Variants in AUTS2 observed in about 807,000 individuals in gnomAD.
AUTS2 encodes activator of transcription and developmental regulator AUTS2, also known as autism susceptibility gene 2 protein.
In AUTS2, 17 loss-of-function variants were observed where a neutral mutation model predicts 112.4. The observed-to-expected ratio is 0.15, with a 90% CI of 0.10 to 0.23. The LOEUF is 0.23. Among genes scored for constraint, AUTS2 ranks in the 10% least tolerant of loss-of-function variants. The pLI is 1.00. For missense variants in AUTS2, 1,510 were observed against 1,701.6 expected, an observed-to-expected ratio of 0.89 and a Z score of 1.98; for synonymous variants, 751 against 702.7, an observed-to-expected ratio of 1.07 and a Z score of -1.09.
At chr7:69,667,765 C>G (rs1796134440) in intron 1 of AUTS2, among the ~76,000 whole-genome samples, 1 of 152,144 alleles carries the variant, frequency 6.6e-6, no homozygotes, top group Non-Finnish European at 1.5e-5. Context: ...CTCTGCTCCC[C>G]TGGGGCCCAT....
At chr7:69,726,734 GC>G (rs1164232900) in intron 1 of AUTS2, among the ~76,000 whole-genome samples, 5 of 152,048 alleles carry the variant, frequency 3.3e-5, no homozygotes, top group African/African-American at 9.7e-5. Context: ...TTTAATTCTA[GC>G]CATTCTAATG....
chr7:70,625,500 T>C (rs550162432), intron 5 of AUTS2, among the ~76,000 whole-genome samples: 4 of 152,218 alleles, frequency 2.6e-5, no homozygotes, highest in Non-Finnish European at 5.9e-5. Flanking sequence ...GCTACAGGCA[T>C]GTGAATATTC....
chr7:70,377,916 G>A (rs978744738), intron 4 of AUTS2, among the ~76,000 whole-genome samples: 3 of 151,210 alleles, frequency 2.0e-5, no homozygotes, highest in East Asian at 3.9e-4. Context: ...GACTACAAGC[G>A]CCCGCCACCA....
chr7:69,663,046 A>C (rs1434021775), intron 1 of AUTS2: 1 of 152,230 alleles, frequency 6.6e-6, no homozygotes, highest in Non-Finnish European at 1.5e-5. Flanking sequence ...CTTATATTAC[A>C]GTGTTTACTT....
At chr7:69,650,725 G>A (rs1356551783) in intron 1 of AUTS2, among the ~76,000 whole-genome samples, 1 of 152,200 alleles carries the variant, frequency 6.6e-6, no homozygotes, top group Non-Finnish European at 1.5e-5. Flanking sequence ...AGATGTTCTT[G>A]TTCACCATTC....
At chr7:70,679,897 T>TCCCCGG in intron 5 of AUTS2, among the ~76,000 whole-genome samples, 1 of 152,364 alleles carries the variant, frequency 6.6e-6, no homozygotes, top group East Asian at 1.9e-4. Flanking sequence ...ATGACACATT[T>TCCCCGG]ACCCTTTTGG....
At chr7:70,674,591 C>T (rs1448129990) in intron 5 of AUTS2, among the ~76,000 whole-genome samples, 2 of 152,326 alleles carry the variant, frequency 1.3e-5, no homozygotes, top group Non-Finnish European at 1.5e-5. Flanking sequence ...ACCTGGTAGC[C>T]ACTGATAATG....
chr7:69,995,954 G>A (rs1326696097), intron 2 of AUTS2, among the ~76,000 whole-genome samples: 16 of 152,270 alleles, frequency 1.1e-4, no homozygotes, highest in Non-Finnish European at 1.9e-4. Flanking sequence ...CCAGTAATGC[G>A]AGTCGGCAGC....
intron 4 of AUTS2, among the ~76,000 whole-genome samples, chr7:70,269,841 T>C (rs2129608732): frequency 6.6e-6 from 1 of 152,316 alleles, no homozygotes; most frequent in South Asian, 2.1e-4. Flanking sequence ...TTGCTATTGC[T>C]TCCTTTTTTA....
chr7:70,198,390 T>C (rs1321350811), intron 4 of AUTS2, among the ~76,000 whole-genome samples: 6 of 152,024 alleles, frequency 3.9e-5, no homozygotes, highest in Admixed American at 3.9e-4. Context: ...ATCAAATTAC[T>C]CTGAGCTACG....
intron 4 of AUTS2, among the ~76,000 whole-genome samples, chr7:70,278,404 A>G (rs1375533615): frequency 2.6e-5 from 4 of 152,008 alleles, no homozygotes; most frequent in Non-Finnish European, 5.9e-5. Flanking sequence ...GCAACATAGT[A>G]AAACTTCATC....
At chr7:70,292,557 C>T (rs563145062) in intron 4 of AUTS2, 76 of 152,280 alleles carry the variant, frequency 5.0e-4, no homozygotes, top group Admixed American at 4.1e-3. Flanking sequence ...TCAGTGTAAA[C>T]TTCTAAATGC....
chr7:70,101,750 A>G (rs184914104), intron 2 of AUTS2, among the ~76,000 whole-genome samples: 1 of 152,282 alleles, frequency 6.6e-6, no homozygotes, highest in Admixed American at 6.5e-5. Context: ...GAGTATGTCT[A>G]TAATGACTTT....
intron 2 of AUTS2, among the ~76,000 whole-genome samples, chr7:69,959,752 TG>T (rs1183841288): frequency 1.3e-5 from 2 of 152,202 alleles, no homozygotes; most frequent in Non-Finnish European, 2.9e-5. Context: ...CATACTAAAT[TG>T]TATTGATTAT....
intron 1 of AUTS2, among the ~76,000 whole-genome samples, chr7:69,740,385 G>C (rs909168475): frequency 2.6e-5 from 4 of 152,180 alleles, no homozygotes; most frequent in African/African-American, 9.7e-5. Flanking sequence ...AGCCAGCTCT[G>C]ATTGACAAGA....
At chr7:69,674,761 C>T (rs143705310) in intron 1 of AUTS2, among the ~76,000 whole-genome samples, 131 of 152,136 alleles carry the variant, frequency 8.6e-4, no homozygotes, top group African/African-American at 3.0e-3. Context: ...ACTGTTTTAT[C>T]ACAGTTCCTC....
intron 1 of AUTS2, among the ~76,000 whole-genome samples, chr7:69,872,834 CTTTTTTTTTTTTTT>C (rs1164356683): frequency 1.4e-5 from 1 of 70,406 alleles, no homozygotes; most frequent in Non-Finnish European, 2.6e-5. Flanking sequence ...AGCCTATATT[CTTTTTTTTTTTTTT>C]TTTTTTTTTT....
chr7:70,361,025 C>T (rs1792235044), intron 4 of AUTS2, among the ~76,000 whole-genome samples: 1 of 152,208 alleles, frequency 6.6e-6, no homozygotes, highest in South Asian at 2.1e-4. Context: ...TAAAAGGGTC[C>T]TCAGCTACAC....
chr7:70,628,765 C>G (rs1239368482), intron 5 of AUTS2, among the ~76,000 whole-genome samples: 1 of 152,104 alleles, frequency 6.6e-6, no homozygotes, highest in Non-Finnish European at 1.5e-5. Flanking sequence ...ATTAAGACAG[C>G]ATTAAAGAAA....
Sources: gnomAD v4.1 joint callset for allele counts (sites outside exome capture counted in the v4.1 genomes callset) on GRCh38, gnomAD v4.1.1 for gene constraint, MANE v1.5 for transcripts, NCBI Gene and HGNC (gene_info 2026-07-23, HGNC 2026-07-21) for gene names.